SCHIP1: variants seen among roughly 807,000 people sequenced by gnomAD.
SCHIP1 encodes schwannomin-interacting protein 1.
In SCHIP1, 8 loss-of-function variants were observed where a neutral mutation model predicts 29.7. That is an observed-to-expected ratio of 0.27 (90% CI 0.16 to 0.49). The LOEUF (loss-of-function observed/expected upper bound fraction) is 0.49, where lower values mean the gene tolerates loss of function less well. Among genes scored for constraint, SCHIP1 ranks in the 20% least tolerant of loss-of-function variants. The pLI, the probability that SCHIP1 is intolerant of heterozygous loss-of-function variation, is 0.99. For missense variants in SCHIP1, 193 were observed against 294.6 expected, an observed-to-expected ratio of 0.66 and a Z score of 2.52; for synonymous variants, 76 against 94.9, an observed-to-expected ratio of 0.80 and a Z score of 1.16.
the SCHIP1 span, chr3:159,764,272 G>A: frequency 1.5e-6 from 1 of 662,036 alleles, no homozygotes; most frequent in Non-Finnish European, 2.4e-6. The surrounding 1 kb of genome is among the most constrained non-coding windows in gnomAD (Gnocchi z 6.1). Flanking sequence ...AAGGCGGGCA[G>A]GAGGGAAGCC....
the SCHIP1 span, among the ~76,000 whole-genome samples, chr3:159,480,442 G>T: frequency 6.6e-6 from 1 of 152,110 alleles, no homozygotes; most frequent in African/African-American, 2.4e-5. Context: ...TTTCTAGGTT[G>T]ATGTCAATTT....
At chr3:159,446,894 C>A in the SCHIP1 span, among the ~76,000 whole-genome samples, 2 of 152,142 alleles carry the variant, frequency 1.3e-5, no homozygotes, top group Non-Finnish European at 2.9e-5. Context: ...ATGGGTTCTC[C>A]ATGGTTCTCT....
At chr3:159,815,942 T>G in the SCHIP1 span, among the ~76,000 whole-genome samples, 2 of 146,736 alleles carry the variant, frequency 1.4e-5, no homozygotes, top group Non-Finnish European at 2.9e-5. Flanking sequence ...TGGTCCTATT[T>G]ATTTATTTAT....
chr3:159,401,457 C>T, the SCHIP1 span: 2 of 621,154 alleles, frequency 3.2e-6, no homozygotes, highest in South Asian at 7.2e-5. Flanking sequence ...CGTTATATGC[C>T]TGGCACAGGC....
the SCHIP1 span, among the ~76,000 whole-genome samples, chr3:159,518,364 CTTA>C: frequency 7.2e-5 from 11 of 152,208 alleles, no homozygotes; most frequent in Middle Eastern, 3.4e-3. Context: ...TGTTTGATTA[CTTA>C]CACTGGATGG....
At chr3:159,696,342 G>A in the SCHIP1 span, among the ~76,000 whole-genome samples, 1 of 152,010 alleles carries the variant, frequency 6.6e-6, no homozygotes, top group East Asian at 1.9e-4. Flanking sequence ...TCTCTACTTG[G>A]AATGCCCTTC....
chr3:159,294,398 A>C, the SCHIP1 span, among the ~76,000 whole-genome samples: 1 of 152,190 alleles, frequency 6.6e-6, no homozygotes, highest in Non-Finnish European at 1.5e-5. Flanking sequence ...TGCCAACGAG[A>C]TGCTTTAAAA....
At chr3:159,567,847 G>A in the SCHIP1 span, among the ~76,000 whole-genome samples, 1 of 152,034 alleles carries the variant, frequency 6.6e-6, no homozygotes, top group Non-Finnish European at 1.5e-5. Context: ...AGTACTATAG[G>A]AAAACATTTT....
At chr3:159,534,453 G>C in the SCHIP1 span, among the ~76,000 whole-genome samples, 6 of 152,232 alleles carry the variant, frequency 3.9e-5, no homozygotes, top group South Asian at 6.2e-4. Context: ...TCAAAATCCT[G>C]GTAGTGGCAG....
the SCHIP1 span, among the ~76,000 whole-genome samples, chr3:159,824,576 T>C: frequency 6.6e-6 from 1 of 152,258 alleles, no homozygotes; most frequent in Non-Finnish European, 1.5e-5. Context: ...GCCAGACCTG[T>C]ACTCTATGTA....
the SCHIP1 span, among the ~76,000 whole-genome samples, chr3:159,627,975 T>A: frequency 6.6e-6 from 1 of 152,218 alleles, no homozygotes; most frequent in African/African-American, 2.4e-5. Flanking sequence ...GTCAGAACTT[T>A]GGGAACCAAG....
chr3:159,801,885 A>G, the SCHIP1 span, among the ~76,000 whole-genome samples: 7 of 152,178 alleles, frequency 4.6e-5, no homozygotes, highest in Admixed American at 4.6e-4. Flanking sequence ...GATGCAGCCC[A>G]CAGCACCTGC....
At chr3:159,747,299 A>G in the SCHIP1 span, among the ~76,000 whole-genome samples, 1 of 152,124 alleles carries the variant, frequency 6.6e-6, no homozygotes, top group Non-Finnish European at 1.5e-5. Flanking sequence ...CACCTGATGC[A>G]TCTGGCTCCA....
chr3:159,652,793 T>A, the SCHIP1 span, among the ~76,000 whole-genome samples: 3 of 152,164 alleles, frequency 2.0e-5, no homozygotes, highest in Admixed American at 2.0e-4. Flanking sequence ...TCTTTAAAAT[T>A]GACCATTTAG....
At chr3:159,770,703 T>G in the SCHIP1 span, among the ~76,000 whole-genome samples, 11,735 of 152,260 alleles carry the variant, frequency 0.077, 1,472 homozygotes, top group African/African-American at 0.26. Flanking sequence ...GATGCTTAAA[T>G]CACTGAAAGA....
chr3:159,640,162 A>G, the SCHIP1 span, among the ~76,000 whole-genome samples: 1 of 152,182 alleles, frequency 6.6e-6, no homozygotes, highest in African/African-American at 2.4e-5. Context: ...TAGAGATTAA[A>G]GATAAGATAG....
chr3:159,397,708 C>A, the SCHIP1 span, among the ~76,000 whole-genome samples: 1 of 152,318 alleles, frequency 6.6e-6, no homozygotes, highest in South Asian at 2.1e-4. Context: ...GCTGGGAGAA[C>A]CACTGCTCTC....
At chr3:159,513,650 C>T in the SCHIP1 span, among the ~76,000 whole-genome samples, 1 of 152,106 alleles carries the variant, frequency 6.6e-6, no homozygotes, top group African/African-American at 2.4e-5. Flanking sequence ...GCCATGGAGA[C>T]GGTCTGAAAT....
At chr3:159,457,970 C>T in the SCHIP1 span, among the ~76,000 whole-genome samples, 1 of 152,066 alleles carries the variant, frequency 6.6e-6, no homozygotes, top group Non-Finnish European at 1.5e-5. Context: ...AGGAGCACTA[C>T]TGTATTTTTA....
Sources: allele counts gnomAD v4.1 joint callset (sites outside exome capture counted in the v4.1 genomes callset), GRCh38; gene constraint gnomAD v4.1.1; non-coding constraint Gnocchi (gnomAD v3.1); transcripts MANE v1.5; gene names NCBI Gene and HGNC (gene_info 2026-07-23, HGNC 2026-07-21).